STXBP5L: variants seen among roughly 807,000 people sequenced by gnomAD.
The protein encoded by STXBP5L is syntaxin-binding protein 5-like.
STXBP5L carries 65 observed loss-of-function variants against 144.5 expected under a neutral mutation model. That is an observed-to-expected ratio of 0.45 (90% CI 0.37 to 0.55). The LOEUF (loss-of-function observed/expected upper bound fraction) is 0.55, where lower values mean the gene tolerates loss of function less well. STXBP5L is among the 20% of genes least tolerant of loss of function. The probability of loss-of-function intolerance (pLI) is 0.00; values close to 1 mark genes in which losing one functional copy is unlikely to be tolerated. For synonymous variants in STXBP5L, 505 were observed against 469.6 expected (o/e 1.08, Z -0.97); for missense variants, 1,298 against 1,405.5 (o/e 0.92, Z 1.22).
At chr3:120,946,491 C>A (rs1243680980) in intron 2 of STXBP5L, among the ~76,000 whole-genome samples, 2 of 151,612 alleles carry the variant, frequency 1.3e-5, no homozygotes, top group African/African-American at 4.8e-5. Flanking sequence ...TCTGGTCTAG[C>A]CTGCAGTGGA....
chr3:121,380,255 C>T (rs2046292008), intron 21 of STXBP5L, among the ~76,000 whole-genome samples: 2 of 152,074 alleles, frequency 1.3e-5, no homozygotes, highest in African/African-American at 4.8e-5. Context: ...CTCCAAGCTC[C>T]CTCTCATCTC....
intron 12 of STXBP5L, among the ~76,000 whole-genome samples, chr3:121,234,188 T>A (rs1297039622): frequency 6.6e-6 from 1 of 152,136 alleles, no homozygotes; most frequent in Non-Finnish European, 1.5e-5. Flanking sequence ...CTCCACTCCT[T>A]TACATTGTCA....
chr3:121,277,020 T>C (rs2050906233), intron 18 of STXBP5L, among the ~76,000 whole-genome samples: 1 of 152,028 alleles, frequency 6.6e-6, no homozygotes, highest in Non-Finnish European at 1.5e-5. Context: ...TTTTAGGTAA[T>C]TTCTGTTATT....
intron 19 of STXBP5L, among the ~76,000 whole-genome samples, chr3:121,317,667 A>G (rs1192102521): frequency 6.6e-6 from 1 of 152,202 alleles, no homozygotes; most frequent in Non-Finnish European, 1.5e-5. Flanking sequence ...AACCATAATG[A>G]AGAATATTTT....
chr3:120,958,659 G>T (rs200757729), intron 3 of STXBP5L, among the ~76,000 whole-genome samples: 18,684 of 152,140 alleles, frequency 0.12, 1,176 homozygotes, highest in Non-Finnish European at 0.14. Flanking sequence ...AAAACCACAT[G>T]ATTATCTCAA....
At chr3:121,042,426 G>A (rs892428544) in intron 4 of STXBP5L, among the ~76,000 whole-genome samples, 1 of 152,106 alleles carries the variant, frequency 6.6e-6, no homozygotes, top group Admixed American at 6.6e-5. Context: ...GATTTTTATA[G>A]TGGAAATTAG....
intron 2 of STXBP5L, among the ~76,000 whole-genome samples, chr3:120,938,020 A>G (rs1485209966): frequency 6.6e-6 from 1 of 151,776 alleles, no homozygotes; most frequent in Non-Finnish European, 1.5e-5. Context: ...GTTTTTTTTT[A>G]TTTTACAAGT....
At chr3:121,033,629 G>A (rs974618095) in intron 3 of STXBP5L, among the ~76,000 whole-genome samples, 2 of 150,212 alleles carry the variant, frequency 1.3e-5, no homozygotes, top group Non-Finnish European at 3.0e-5. Context: ...TGTTTTTTAT[G>A]GTATATTTAC....
intron 3 of STXBP5L, among the ~76,000 whole-genome samples, chr3:120,981,162 C>G (rs564802723): frequency 7.9e-5 from 12 of 152,212 alleles, no homozygotes; most frequent in South Asian, 6.2e-4. Flanking sequence ...AACTTTGGAT[C>G]TTCTGATGAG....
chr3:121,370,602 C>T (rs975030064), intron 20 of STXBP5L, among the ~76,000 whole-genome samples: 1 of 152,194 alleles, frequency 6.6e-6, no homozygotes, highest in Non-Finnish European at 1.5e-5. Context: ...AATGTGTTTT[C>T]TATGTTGCTT....
chr3:121,174,933 G>T (rs1198972603), intron 9 of STXBP5L, among the ~76,000 whole-genome samples: 7 of 151,986 alleles, frequency 4.6e-5, no homozygotes, highest in Non-Finnish European at 1.0e-4. Flanking sequence ...GCTGGGGAAA[G>T]GGAACAGGAA....
At chr3:121,282,960 A>G (rs338983) in intron 19 of STXBP5L, among the ~76,000 whole-genome samples, 116,582 of 151,860 alleles carry the variant, frequency 0.77, 44,876 homozygotes, top group East Asian at 0.93. Context: ...ATCCGAAGAT[A>G]TCTAGAGTAA....
chr3:121,321,878 G>T (rs2043981863), intron 20 of STXBP5L, among the ~76,000 whole-genome samples: 1 of 151,858 alleles, frequency 6.6e-6, no homozygotes, highest in African/African-American at 2.4e-5. Flanking sequence ...TAGATTCAGG[G>T]GTTACAAGTG....
Position 121,113,909 on chromosome 3 carries a change from T to A in STXBP5L, c.471-1016T>A, listed in dbSNP as rs188993337. On this transcript the variant is annotated intron_variant, in intron 5 of 26. Coordinates refer to ENST00000471454, the MANE Select transcript of STXBP5L (RefSeq NM_001308330.2). Reference sequence around the variant, plus strand: ...GGATGGTCTTGATCTCTTGACCTCATGATCCACCTGCCTCGGCCTCTCAAA... The same window carrying A: ...GGATGGTCTTGATCTCTTGACCTCAAGATCCACCTGCCTCGGCCTCTCAAA... Among the ~76,000 whole-genome samples the A allele has an allele frequency of 3.3e-3, 508 of 152,166 alleles. 3 individuals carry two copies. Among genetic ancestry groups the A allele is most frequent in the African/African-American group, 0.011 (471 of 41,534 alleles).
chr3:121,006,322 CTT>C (rs1467307374), intron 3 of STXBP5L, among the ~76,000 whole-genome samples: 1 of 151,990 alleles, frequency 6.6e-6, no homozygotes, highest in Admixed American at 6.6e-5. Flanking sequence ...TTCTTTGTCT[CTT>C]TTGATCTTTG....
intron 22 of STXBP5L, among the ~76,000 whole-genome samples, chr3:121,398,234 T>C (rs1373815748): frequency 6.6e-6 from 1 of 152,254 alleles, no homozygotes; most frequent in African/African-American, 2.4e-5. Context: ...GTTTTAAACT[T>C]AAACTAGACC....
intron 5 of STXBP5L, among the ~76,000 whole-genome samples, chr3:121,111,480 G>A (rs1559759063): frequency 6.6e-6 from 1 of 152,152 alleles, no homozygotes; most frequent in Non-Finnish European, 1.5e-5. Flanking sequence ...TTAACGGTCA[G>A]GCCCCTCTTC....
At chr3:121,029,490 G>A (rs903628057) in intron 3 of STXBP5L, among the ~76,000 whole-genome samples, 2 of 152,124 alleles carry the variant, frequency 1.3e-5, no homozygotes, top group African/African-American at 4.8e-5. Context: ...GCAGAAAAGT[G>A]AAACTGGACC....
chr3:121,046,323 T>A (rs990264439), intron 5 of STXBP5L, among the ~76,000 whole-genome samples: 7 of 152,264 alleles, frequency 4.6e-5, no homozygotes, highest in African/African-American at 1.7e-4. Flanking sequence ...CCTGAAGATT[T>A]TTTTGTTGTA....
Sources: allele counts gnomAD v4.1 joint callset (sites outside exome capture counted in the v4.1 genomes callset), GRCh38; gene constraint gnomAD v4.1.1; transcripts MANE v1.5; gene names NCBI Gene and HGNC (gene_info 2026-07-23, HGNC 2026-07-21).